Variants in C1orf52 observed in about 807,000 individuals in gnomAD.
The protein encoded by C1orf52 is UPF0690 protein C1orf52.
Under a neutral mutation model 17.2 loss-of-function variants are expected in C1orf52, and 5 were observed. That is an observed-to-expected ratio of 0.29 (90% confidence interval 0.15 to 0.61). The LOEUF (loss-of-function observed/expected upper bound fraction) is 0.61, where lower values mean the gene tolerates loss of function less well. Among genes scored for constraint, C1orf52 ranks in the 20% least tolerant of loss-of-function variants. The pLI is 0.85. For synonymous variants in C1orf52, 110 were observed against 88.0 expected, an observed-to-expected ratio of 1.25 and a Z score of -1.40; for missense variants, 245 against 234.1, an observed-to-expected ratio of 1.05 and a Z score of -0.30.
At position 85,252,429 on chromosome 1, in the gene C1orf52, C is replaced by CACTT. The variant is rs1347672906; in HGVS notation, c.*199_*200insAAGT. The CACTT allele has an allele frequency of 4.1e-6, 2 of 493,302 alleles. No individual in the cohort carries two copies. Among genetic ancestry groups the CACTT allele is most frequent in the Admixed American group, 7.9e-5 (2 of 25,206 alleles). 30.6% of individuals were successfully genotyped at this position (493,302 alleles called of 1,614,324 possible). A position where few individuals can be genotyped will look rare whatever the true frequency, so the allele number is the denominator to read the frequency against. On this transcript the variant is annotated 3_prime_UTR_variant, in exon 3 of 3. Coordinates refer to ENST00000471115, the MANE Select transcript of C1orf52 (RefSeq NM_198077.4). ...TGTTATCAATTTCACAATCACAAGT[C>CACTT]ACCAGTTGAGTTTTAAATACATACA...
chr1:85,258,676 G>A lies in C1orf52; in HGVS notation c.323C>T (p.Pro108Leu), dbSNP rs1267400259. The A allele has an allele frequency of 6.2e-7, 1 of 1,609,660 alleles. No homozygotes were observed. Among genetic ancestry groups the A allele is most frequent in the Non-Finnish European group, 8.5e-7 (1 of 1,178,694 alleles). Residue 108 changes from proline to leucine, a missense_variant, in exon 2 of 3, where the codon CCT (proline) becomes CTT (leucine). By Grantham distance (98) the Pro-to-Leu change is moderately conservative. Transcript: ENST00000471115. ...KIWKSNYVPPPETYTTEKKPP... is the reference protein window; with the variant it reads ...KIWKSNYVPPLETYTTEKKPP... ...CTTCTTCTCAGTGGTGTAGGTCTCA[G>A]GAGGTGGTACATAATTTGACTTCCA...
intron 2 of C1orf52, among the ~76,000 whole-genome samples, chr1:85,254,510 G>C (rs1231943632): frequency 6.6e-6 from 1 of 151,706 alleles, no homozygotes; most frequent in Non-Finnish European, 1.5e-5. Context: ...TCCTGCCTCA[G>C]CCTCCCAAGC....
At chr1:85,253,073 C>T (rs890732950) in intron 2 of C1orf52, among the ~76,000 whole-genome samples, 4 of 152,098 alleles carry the variant, frequency 2.6e-5, no homozygotes, top group African/African-American at 9.7e-5. Flanking sequence ...TTGTTTTAGG[C>T]TTTTAGCAGC....
chr1:85,258,126 A>T (rs12561876), intron 2 of C1orf52, among the ~76,000 whole-genome samples: 15,637 of 121,898 alleles, frequency 0.13, 869 homozygotes, highest in South Asian at 0.25. Flanking sequence ...GTCTCAAAAA[A>T]AAAGAAAAAA....
In C1orf52 at chr1:85,250,766, G is replaced by C. The variant is rs1430966559; in HGVS notation, c.*1863C>G. Reference sequence around the variant, plus strand: ...AAATTTTAGATTTCTCCAGAGCTTGGGAATCACAACTTCACAAATATAACT... The same window carrying C: ...AAATTTTAGATTTCTCCAGAGCTTGCGAATCACAACTTCACAAATATAACT... On this transcript the variant is annotated 3_prime_UTR_variant, in exon 3 of 3. Coordinates refer to ENST00000471115, the MANE Select transcript of C1orf52 (RefSeq NM_198077.4). The C allele has an allele frequency of 6.6e-6, 1 of 152,132 alleles. No individual in the cohort carries two copies. The highest frequency in any genetic ancestry group is 2.4e-5 in the African/African-American group (1 of 41,418). The allele number at this position is 152,132 out of a possible 1,614,324, so 9.4% of individuals were successfully genotyped here.
chr1:85,258,896 G>A, intron 1 of C1orf52, 174 bp from the exon 2 acceptor site: 1 of 1,432,416 alleles, frequency 7.0e-7, no homozygotes, highest in East Asian at 2.5e-5. Flanking sequence ...AAAAGCCAAA[G>A]GGTTCCCTAT....
At position 85,250,792 on chromosome 1, in the gene C1orf52, T is replaced by C. The variant is rs1659783444; in HGVS notation, c.*1837A>G. 6.6e-6 allele frequency: 1 copy of C among 152,100 alleles called. No individual in the cohort carries two copies. The highest frequency in any genetic ancestry group is 2.4e-5 in the African/African-American group (1 of 41,454). 9.4% of individuals were successfully genotyped at this position (152,100 alleles called of 1,614,324 possible). ...GAATCACAACTTCACAAATATAACT[T>C]GATTTGGTTGTGTTTGGTGTCATGT... is the stretch of plus-strand genomic sequence containing the variant. On this transcript the variant is annotated 3_prime_UTR_variant, in exon 3 of 3. Coordinates refer to ENST00000471115, the MANE Select transcript of C1orf52 (RefSeq NM_198077.4).
intron 2 of C1orf52, 64 bp downstream of exon 2, chr1:85,258,460 T>C: frequency 3.0e-6 from 4 of 1,332,104 alleles, no homozygotes; most frequent in Non-Finnish European, 3.1e-6. Context: ...ATTAAATATC[T>C]CATTCTTTTT....
chr1:85,258,570 A>G lies in C1orf52; in HGVS notation c.429T>C (p.Ala143=), dbSNP rs1458218194. ...CTTCTGGTAGAAGCCTAGCTTTCTT[A>G]GCATTCTGTGGAGCATCATCACCAT... is the stretch of plus-strand genomic sequence containing the variant. ...EDNGDDAPQN[A]KKARLLPEGE... The change falls in exon 2 of 3, where the codon GCT becomes GCC. Residue 143 remains alanine (A), a synonymous_variant. Transcript: ENST00000471115. The G allele has an allele frequency of 3.1e-6, 5 of 1,614,092 alleles. No homozygotes were observed. The highest frequency in any genetic ancestry group is 1.3e-5 in the African/African-American group (1 of 74,942).
Position 85,252,524 on chromosome 1 carries a change from T to A in C1orf52, c.*105A>T. On this transcript the variant is annotated 3_prime_UTR_variant, in exon 3 of 3. Transcript: ENST00000471115. ...CAATACTTATTAGTTCATTAACGTA[T>A]GCATTTTCATGGAGATGTGGCATAA... The A allele has an allele frequency of 1.2e-6, 1 of 851,196 alleles. No homozygotes were observed. The highest frequency in any genetic ancestry group is 1.9e-6 in the Non-Finnish European group (1 of 516,790). The allele number at this position is 851,196 out of a possible 1,614,324, so 52.7% of individuals were successfully genotyped here.
At chr1:85,254,501 C>A (rs771689299) in intron 2 of C1orf52, among the ~76,000 whole-genome samples, 5 of 151,862 alleles carry the variant, frequency 3.3e-5, no homozygotes, top group Non-Finnish European at 7.4e-5. Context: ...ACGCCATTCT[C>A]CTGCCTCAGC....
rs754054926 is a variant in C1orf52 at position 85,258,704 on chromosome 1, T to C, written c.295A>G (p.Ile99Val). The C allele has an allele frequency of 6.2e-7, 1 of 1,610,606 alleles. No individual in the cohort carries two copies. ...APEEPPKEFK[I>V]WKSNYVPPPE... ...GGTGGTACATAATTTGACTTCCATA[T>C]TTTGAATTCCTTTGGAGGCTGTTAA... Residue 99 changes from isoleucine (I) to valine (V), a missense_variant, in exon 2 of 3, where the codon ATA becomes GTA. By Grantham distance (29) the Ile-to-Val change is conservative. Coordinates refer to ENST00000471115, the MANE Select transcript of C1orf52 (RefSeq NM_198077.4).
At chr1:85,257,486 T>C in intron 2 of C1orf52, 1 of 717,250 alleles carries the variant, frequency 1.4e-6, no homozygotes, top group Non-Finnish European at 2.6e-6. Context: ...AAAGGGGCCA[T>C]TAAAAATGAC....
intron 2 of C1orf52, among the ~76,000 whole-genome samples, chr1:85,253,825 CA>C (rs1659859994): frequency 6.6e-6 from 1 of 151,948 alleles, no homozygotes; most frequent in South Asian, 2.1e-4. Flanking sequence ...TCTCCCTAAG[CA>C]AATGTGTGGT....
At chr1:85,255,745 A>G (rs1047489838) in intron 2 of C1orf52, among the ~76,000 whole-genome samples, 2 of 152,186 alleles carry the variant, frequency 1.3e-5, no homozygotes, top group Non-Finnish European at 2.9e-5. Flanking sequence ...TTTCTGATAT[A>G]TATTTTATGA....
In C1orf52 at chr1:85,259,629, G is replaced by C; in HGVS notation, c.5C>G (p.Ala2Gly). Residue 2 changes from alanine to glycine, a missense_variant, in exon 1 of 3, where the codon GCA (alanine) becomes GGA (glycine). Coordinates refer to ENST00000471115, the MANE Select transcript of C1orf52 (RefSeq NM_198077.4). Reference protein sequence around the residue: MAAEEKDPLSYF... With the variant: MGAEEKDPLSYF... ...GCTCAGAGGGTCCTTCTCCTCCGCT[G>C]CCATGACGGCTGCGAGCGACAACCC... is the stretch of plus-strand genomic sequence containing the variant. The C allele has an allele frequency of 6.5e-7, 1 of 1,549,990 alleles. No homozygotes were observed. The highest frequency in any genetic ancestry group is 8.7e-7 in the Non-Finnish European group (1 of 1,145,376).
chr1:85,254,848 A>G (rs1214985907), intron 2 of C1orf52, among the ~76,000 whole-genome samples: 1 of 152,248 alleles, frequency 6.6e-6, no homozygotes, highest in Non-Finnish European at 1.5e-5. Context: ...TTAATTTGCC[A>G]CTTATTACAA....
At chr1:85,259,279 G>T (rs1366539192) in intron 1 of C1orf52, 79 bp downstream of exon 1, 41 of 1,471,810 alleles carry the variant, frequency 2.8e-5, no homozygotes, top group Middle Eastern at 2.1e-4. Flanking sequence ...GGGATGGACA[G>T]CAGGTCCCCA....
rs1028061290 is a variant in C1orf52, at chr1:85,252,089, C to T, written c.*540G>A. 6.6e-6 allele frequency: 1 copy of T among 152,466 alleles called. No homozygotes were observed. The highest frequency in any genetic ancestry group is 2.4e-5 in the African/African-American group (1 of 41,470). The allele number at this position is 152,466 out of a possible 1,614,324, so 9.4% of individuals were successfully genotyped here. On this transcript the variant is annotated 3_prime_UTR_variant, in exon 3 of 3. Transcript: ENST00000471115. ...CACAAAGCACCTGGAACACAGGAGG[C>T]ACTCTTTAAATGGTAATACTTCTTA...
Sources: allele counts gnomAD v4.1 joint callset (sites outside exome capture counted in the v4.1 genomes callset), GRCh38; gene constraint gnomAD v4.1.1; transcripts MANE v1.5; gene names NCBI Gene and HGNC (gene_info 2026-07-23, HGNC 2026-07-21).